The following SPHKAP variants were observed in gnomAD, a reference collection of about 807,000 sequenced individuals.
SPHKAP encodes the protein A-kinase anchor protein SPHKAP.
SPHKAP carries 67 observed loss-of-function variants against 137.5 expected under a neutral mutation model. The observed-to-expected ratio is 0.49, with a 90% confidence interval of 0.40 to 0.60. The LOEUF (loss-of-function observed/expected upper bound fraction) is 0.60, where lower values mean the gene tolerates loss of function less well. Among genes scored for constraint, SPHKAP ranks in the 20% least tolerant of loss-of-function variants. SPHKAP has a pLI of 0.00. For missense variants in SPHKAP, 2,097 were observed against 2,069.3 expected, an observed-to-expected ratio of 1.01 and a Z score of -0.26; for synonymous variants, 813 against 785.3, an observed-to-expected ratio of 1.04 and a Z score of -0.59.
At chr2:228,114,412 T>C (rs1320663773) in intron 2 of SPHKAP, among the ~76,000 whole-genome samples, 1 of 152,122 alleles carries the variant, frequency 6.6e-6, no homozygotes, top group Non-Finnish European at 1.5e-5. Context: ...TAATTTAAAT[T>C]GGAGAAGACA....
chr2:228,067,308 AG>A (rs1696858788), intron 3 of SPHKAP, among the ~76,000 whole-genome samples: 1 of 152,262 alleles, frequency 6.6e-6, no homozygotes, highest in African/African-American at 2.4e-5. Context: ...CAACATAAAT[AG>A]ATCTATTTTA....
rs1697812645 is a variant in SPHKAP at position 228,092,442 on chromosome 2, CCATATATATGTATA to C, written c.246+16376_246+16389del. On this transcript the variant is annotated intron_variant, in intron 3 of 11. Transcript: ENST00000392056. Reference sequence around the variant, plus strand: ...ATATATACATATATGTATATATGTGCCATATATATGTATACATATATGTGCCATATATATGTATA... The same window carrying C: ...ATATATACATATATGTATATATGTGCCATATATGTGCCATATATATGTATA... Among the ~76,000 whole-genome samples, 2 of 39,230 alleles carry C rather than the reference CCATATATATGTATA, an allele frequency of 5.1e-5. 1 individual carries two copies. The highest frequency in any genetic ancestry group is 1.6e-3 in the East Asian group (2 of 1,252). 25.7% of individuals were successfully genotyped at this position (39,230 alleles called of 152,430 possible).
intron 7 of SPHKAP, chr2:227,996,135 A>G (rs1217218476): frequency 1.0e-5 from 10 of 984,288 alleles, no homozygotes; most frequent in Non-Finnish European, 1.2e-5. Context: ...AAAAATACCT[A>G]CCCCGTTTCT....
chr2:228,110,346 G>A (rs532715841), intron 2 of SPHKAP, among the ~76,000 whole-genome samples: 78 of 151,052 alleles, frequency 5.2e-4, no homozygotes, highest in African/African-American at 1.8e-3. Context: ...AAATATAATC[G>A]CATATCAAAA....
At chr2:228,022,305 G>T in intron 5 of SPHKAP, 2 of 482,130 alleles carry the variant, frequency 4.1e-6, no homozygotes, top group Non-Finnish European at 5.4e-6. Flanking sequence ...AGAGAGGCCA[G>T]AATTAAGTTG....
At chr2:228,116,071 A>G (rs1698700785) in intron 2 of SPHKAP, among the ~76,000 whole-genome samples, 1 of 152,174 alleles carries the variant, frequency 6.6e-6, no homozygotes, top group African/African-American at 2.4e-5. Context: ...TGAACTTTCC[A>G]GCCTCTAGAA....
At chr2:228,098,735 A>C (rs1311021221) in intron 3 of SPHKAP, among the ~76,000 whole-genome samples, 1 of 148,774 alleles carries the variant, frequency 6.7e-6, no homozygotes, top group Non-Finnish European at 1.5e-5. Flanking sequence ...CACGTTGTGC[A>C]CATGTACCCT....
intron 2 of SPHKAP, among the ~76,000 whole-genome samples, chr2:228,129,365 G>A (rs1342963167): frequency 6.6e-6 from 1 of 152,130 alleles, no homozygotes; most frequent in Non-Finnish European, 1.5e-5. Context: ...AACAAGGCAT[G>A]CCTGTTGTTG....
At chr2:228,058,498 C>A (rs966209072) in intron 3 of SPHKAP, among the ~76,000 whole-genome samples, 1 of 152,126 alleles carries the variant, frequency 6.6e-6, no homozygotes, top group Non-Finnish European at 1.5e-5. Flanking sequence ...AACAGTGTTT[C>A]CTGAACACGC....
chr2:227,994,199 T>C (rs532271100), intron 8 of SPHKAP: 2 of 352,516 alleles, frequency 5.7e-6, no homozygotes, highest in Non-Finnish European at 8.0e-6. Flanking sequence ...GCAATGTCAA[T>C]GTTTTATCAC....
At chr2:228,044,726 G>C (rs1015022432) in intron 3 of SPHKAP, among the ~76,000 whole-genome samples, 1 of 152,138 alleles carries the variant, frequency 6.6e-6, no homozygotes, top group African/African-American at 2.4e-5. Context: ...ACAGTGAGTA[G>C]GATAACAACT....
chr2:228,077,812 G>C, intron 3 of SPHKAP, among the ~76,000 whole-genome samples: 1 of 152,134 alleles, frequency 6.6e-6, no homozygotes, highest in Non-Finnish European at 1.5e-5. Context: ...GGAAGAACCA[G>C]GAGCAGAATG....
At chr2:228,110,999 A>G (rs1698501187) in intron 2 of SPHKAP, among the ~76,000 whole-genome samples, 1 of 152,188 alleles carries the variant, frequency 6.6e-6, no homozygotes, top group African/African-American at 2.4e-5. Flanking sequence ...GAAATTAGCA[A>G]TAAGTATAAT....
At chr2:228,130,505 G>C (rs4973615) in intron 2 of SPHKAP, among the ~76,000 whole-genome samples, 51,850 of 151,838 alleles carry the variant, frequency 0.34, 9,082 homozygotes, top group East Asian at 0.5. Context: ...GCTCAAGATC[G>C]CACAAGTAAT....
Position 228,017,075 on chromosome 2 carries a change from A to C in SPHKAP, c.3779T>G (p.Leu1260Ter). ...TVNVPIKANSLDGFAQNCPQD... is the reference protein window; with the variant it reads ...TVNVPIKANS ...TGGGCAGTTCTGAGCAAAGCCATCTAAAGAGTTGGCTTTGATGGGCACATT... is the reference window on the plus strand; with the variant it reads ...TGGGCAGTTCTGAGCAAAGCCATCTCAAGAGTTGGCTTTGATGGGCACATT... Residue 1260 changes from leucine (L) to a stop codon, truncating the protein, a stop_gained, in exon 7 of 12, where the codon TTA becomes TGA. Coordinates refer to ENST00000392056, the MANE Select transcript of SPHKAP (RefSeq NM_001142644.2). LOFTEE classifies it high-confidence loss of function. 1 of 1,614,096 alleles carries C rather than the reference A, an allele frequency of 6.2e-7. No individual in the cohort carries two copies. The highest frequency in any genetic ancestry group is 8.5e-7 in the Non-Finnish European group (1 of 1,180,020).
chr2:228,128,637 T>C (rs1320494409), intron 2 of SPHKAP, among the ~76,000 whole-genome samples: 1 of 152,202 alleles, frequency 6.6e-6, no homozygotes, highest in African/African-American at 2.4e-5. Context: ...ATGACAGTTA[T>C]AGCCTTATTA....
chr2:228,117,830 CTT>C (rs34166785), intron 2 of SPHKAP, among the ~76,000 whole-genome samples: 3 of 138,282 alleles, frequency 2.2e-5, no homozygotes, highest in Admixed American at 7.3e-5. Flanking sequence ...CTTTCCTTTC[CTT>C]TTTTTTTTTT....
rs543475234 is a variant in SPHKAP, at chr2:228,075,482, G to A, written c.246+33350C>T. On this transcript the variant is annotated intron_variant, in intron 3 of 11. Coordinates refer to ENST00000392056, the MANE Select transcript of SPHKAP (RefSeq NM_001142644.2). ...TTCTCAGCATTGCAAACCATGCATCGAATCTTTTGAGTAGCTTTTGAAATT... is the reference window on the plus strand; with the variant it reads ...TTCTCAGCATTGCAAACCATGCATCAAATCTTTTGAGTAGCTTTTGAAATT... 4.6e-5 allele frequency among the ~76,000 whole-genome samples: 7 copies of A among 151,916 alleles called. No homozygotes were observed. In the South Asian group the frequency reaches 6.2e-4, roughly 14 times the overall value.
chr2:228,023,634 T>C (rs1194449162), intron 5 of SPHKAP, among the ~76,000 whole-genome samples: 3 of 152,110 alleles, frequency 2.0e-5, no homozygotes, highest in African/African-American at 7.2e-5. Flanking sequence ...GCCTATTGCA[T>C]GCAAATTATG....
Sources: allele counts gnomAD v4.1 joint callset (sites outside exome capture counted in the v4.1 genomes callset), GRCh38; gene constraint gnomAD v4.1.1; transcripts MANE v1.5; gene names NCBI Gene and HGNC (gene_info 2026-07-23, HGNC 2026-07-21).